The following ST6GALNAC3 variants were observed in gnomAD, a reference collection of about 807,000 sequenced individuals.
The protein encoded by ST6GALNAC3 is alpha-N-acetylgalactosaminide alpha-2,6-sialyltransferase 3.
A neutral mutation model predicts 32.7 loss-of-function variants in ST6GALNAC3; 25 were observed. That is an observed-to-expected ratio of 0.76 (90% CI 0.56 to 1.07). ST6GALNAC3 has a LOEUF of 1.07. Among genes scored for constraint, ST6GALNAC3 ranks in the 50% least tolerant of loss-of-function variants. The pLI is 0.00. For synonymous variants in ST6GALNAC3, 129 were observed against 133.1 expected, an observed-to-expected ratio of 0.97 and a Z score of 0.21; for missense variants, 355 against 382.4, an observed-to-expected ratio of 0.93 and a Z score of 0.60.
intron 1 of ST6GALNAC3, among the ~76,000 whole-genome samples, chr1:76,284,395 T>C (rs17670910): frequency 0.31 from 46,468 of 152,042 alleles, 8,220 homozygotes; most frequent in Non-Finnish European, 0.4. Flanking sequence ...TTTTCTATTC[T>C]ATTGGGGTCT....
At chr1:76,181,939 G>A (rs150922599) in intron 1 of ST6GALNAC3, among the ~76,000 whole-genome samples, 5 of 152,218 alleles carry the variant, frequency 3.3e-5, no homozygotes, top group East Asian at 1.9e-4. Context: ...GTGACAGGAC[G>A]TGAACACTCA....
At chr1:76,381,181 A>G (rs974184593) in intron 2 of ST6GALNAC3, among the ~76,000 whole-genome samples, 2 of 132,960 alleles carry the variant, frequency 1.5e-5, no homozygotes, top group Admixed American at 8.2e-5. Context: ...AAAAAAAAAA[A>G]AAAAAGAAAA....
chr1:76,219,512 G>A (rs900920922), intron 1 of ST6GALNAC3, among the ~76,000 whole-genome samples: 1 of 152,178 alleles, frequency 6.6e-6, no homozygotes, highest in South Asian at 2.1e-4. Flanking sequence ...CTGCAGCAAA[G>A]CAGGTGCTGG....
intron 3 of ST6GALNAC3, among the ~76,000 whole-genome samples, chr1:76,614,859 T>C (rs960432316): frequency 4.7e-4 from 70 of 148,908 alleles, no homozygotes; most frequent in African/African-American, 1.7e-3. Context: ...TAGAGAGGAA[T>C]GGGAAGCAAT....
chr1:76,530,506 G>C (rs1408205340), intron 3 of ST6GALNAC3, among the ~76,000 whole-genome samples: 2 of 152,160 alleles, frequency 1.3e-5, no homozygotes, highest in African/African-American at 4.8e-5. Flanking sequence ...GCCGAACAGA[G>C]CTGAGCTGAG....
At chr1:76,139,306 C>G (rs1035520261) in intron 1 of ST6GALNAC3, among the ~76,000 whole-genome samples, 13 of 152,016 alleles carry the variant, frequency 8.6e-5, no homozygotes, top group South Asian at 4.1e-4. Flanking sequence ...ACATTCACAA[C>G]TCATACATAC....
At chr1:76,204,298 C>T (rs1654700660) in intron 1 of ST6GALNAC3, among the ~76,000 whole-genome samples, 1 of 152,102 alleles carries the variant, frequency 6.6e-6, no homozygotes, top group Non-Finnish European at 1.5e-5. Context: ...TTGATGGGCA[C>T]TTAGGTTGAT....
intron 1 of ST6GALNAC3, among the ~76,000 whole-genome samples, chr1:76,171,708 G>T (rs1321545166): frequency 6.6e-6 from 1 of 150,998 alleles, no homozygotes; most frequent in East Asian, 1.9e-4. Context: ...ATAAATTCCT[G>T]GACACATACA....
intron 3 of ST6GALNAC3, among the ~76,000 whole-genome samples, chr1:76,590,192 A>G (rs550137379): frequency 1.8e-4 from 27 of 152,260 alleles, no homozygotes; most frequent in Non-Finnish European, 3.2e-4. Flanking sequence ...ATCAAGACCC[A>G]TACTTTACTG....
chr1:76,307,874 A>G (rs1453719256), intron 1 of ST6GALNAC3: 1 of 514,212 alleles, frequency 1.9e-6, no homozygotes, highest in Non-Finnish European at 3.9e-6. Context: ...TTTTCTGTGG[A>G]TTTTATTTTG....
intron 1 of ST6GALNAC3, among the ~76,000 whole-genome samples, chr1:76,271,367 T>C (rs1047970391): frequency 8.5e-5 from 13 of 152,212 alleles, no homozygotes; most frequent in African/African-American, 2.4e-4. Context: ...AAAAGAATTA[T>C]TGATAAGTTC....
At chr1:76,503,766 G>A (rs961592682) in intron 3 of ST6GALNAC3, among the ~76,000 whole-genome samples, 26 of 152,142 alleles carry the variant, frequency 1.7e-4, no homozygotes, top group Non-Finnish European at 3.1e-4. Context: ...AATCAGGACT[G>A]AATAATCTGG....
At chr1:76,352,519 T>TTA (rs1553183412) in intron 2 of ST6GALNAC3, among the ~76,000 whole-genome samples, 2 of 147,394 alleles carry the variant, frequency 1.4e-5, no homozygotes, top group Non-Finnish European at 3.0e-5. Flanking sequence ...TTTTTTTTTT[T>TTA]ACCTCCGGCC....
intron 3 of ST6GALNAC3, among the ~76,000 whole-genome samples, chr1:76,607,274 C>T (rs1647620914): frequency 6.6e-6 from 1 of 152,142 alleles, no homozygotes; most frequent in African/African-American, 2.4e-5. Flanking sequence ...GTTCACCAAC[C>T]CAGAAGTTCT....
intron 3 of ST6GALNAC3, among the ~76,000 whole-genome samples, chr1:76,484,934 G>C (rs1354452228): frequency 1.3e-5 from 2 of 152,150 alleles, no homozygotes; most frequent in Non-Finnish European, 2.9e-5. Flanking sequence ...AGCATGAAAG[G>C]CTGTTGAATT....
At chr1:76,591,584 T>C (rs186985994) in intron 3 of ST6GALNAC3, among the ~76,000 whole-genome samples, 36 of 152,282 alleles carry the variant, frequency 2.4e-4, no homozygotes, top group Non-Finnish European at 4.4e-4. Context: ...CCCTAAACAC[T>C]GAGGATAAAG....
At chr1:76,320,615 C>G (rs1010888845) in intron 2 of ST6GALNAC3, among the ~76,000 whole-genome samples, 1 of 152,006 alleles carries the variant, frequency 6.6e-6, no homozygotes, top group African/African-American at 2.4e-5. Flanking sequence ...ATAGGTCAAC[C>G]TGGCTGGAAC....
At chr1:76,605,859 C>CAAAA (rs1647501559) in intron 3 of ST6GALNAC3, among the ~76,000 whole-genome samples, 1 of 5,380 alleles carries the variant, frequency 1.9e-4, no homozygotes, top group African/African-American at 8.5e-4. Flanking sequence ...AGGGAGACTC[C>CAAAA]ATAAAAAAAA....
rs1044445501 is a variant in ST6GALNAC3, at chr1:76,464,993, C to A, written c.623+52576C>A. Among the ~76,000 whole-genome samples, 3 of 146,658 alleles carry A rather than the reference C, an allele frequency of 2.0e-5. No homozygotes were observed. The East Asian group carries it at 5.9e-4, about 29-fold the overall frequency. On this transcript the variant is annotated intron_variant, in intron 3 of 4. Transcript: ENST00000328299. Reference sequence around the variant, plus strand: ...TAAGATTATTAAAACTTCAAACTTTCTTTTTTCAAAATCAGGCGTTCTATA... The same window carrying A: ...TAAGATTATTAAAACTTCAAACTTTATTTTTTCAAAATCAGGCGTTCTATA...
Sources: allele counts gnomAD v4.1 joint callset (sites outside exome capture counted in the v4.1 genomes callset), GRCh38; gene constraint gnomAD v4.1.1; transcripts MANE v1.5; gene names NCBI Gene and HGNC (gene_info 2026-07-23, HGNC 2026-07-21).